The following RBFOX1 variants were observed in gnomAD, a reference collection of about 807,000 sequenced individuals.
RBFOX1 encodes the protein RNA binding protein fox-1 homolog 1.
In RBFOX1, 8 loss-of-function variants were observed where a neutral mutation model predicts 57.7. The ratio of observed to expected loss-of-function variants is 0.14; its 90% CI spans 0.08 to 0.25. The LOEUF is 0.25. RBFOX1 is among the 10% of genes least tolerant of loss of function. The pLI, the probability that RBFOX1 is intolerant of heterozygous loss-of-function variation, is 1.00. For missense variants in RBFOX1, 611 were observed against 548.5 expected (o/e 1.11, Z -1.14); for synonymous variants, 326 against 222.4 (o/e 1.47, Z -4.15).
intron 3 of RBFOX1, among the ~76,000 whole-genome samples, chr16:6,830,920 G>A (rs772526470): frequency 2.6e-5 from 4 of 152,172 alleles, no homozygotes; most frequent in Non-Finnish European, 5.9e-5. Context: ...GGTAGAATTG[G>A]TCATATAGCC....
intron 3 of RBFOX1, among the ~76,000 whole-genome samples, chr16:6,656,706 T>C (rs927762857): frequency 1.3e-5 from 2 of 152,022 alleles, no homozygotes; most frequent in African/African-American, 4.8e-5. Context: ...AGTTTTCCCA[T>C]TTTTTTCTAA....
At chr16:5,397,143 A>C (rs1359052061) in intron 1 of RBFOX1, among the ~76,000 whole-genome samples, 4 of 152,230 alleles carry the variant, frequency 2.6e-5, no homozygotes, top group Non-Finnish European at 5.9e-5. Flanking sequence ...AGCAAAGTGA[A>C]ACCACAGGTG....
intron 2 of RBFOX1, among the ~76,000 whole-genome samples, chr16:5,531,391 A>G (rs1245341079): frequency 6.6e-6 from 1 of 152,174 alleles, no homozygotes; most frequent in Non-Finnish European, 1.5e-5. Flanking sequence ...CCGATCTTTA[A>G]AGTTTGGTTG....
intron 2 of RBFOX1, among the ~76,000 whole-genome samples, chr16:6,641,599 A>T (rs2098488555): frequency 6.6e-6 from 1 of 151,830 alleles, no homozygotes; most frequent in South Asian, 2.1e-4. Context: ...GCTGGGTGTG[A>T]TGGTGGGTGC....
chr16:7,104,976 T>A (rs1391100463), intron 4 of RBFOX1, among the ~76,000 whole-genome samples: 1 of 152,126 alleles, frequency 6.6e-6, no homozygotes, highest in Non-Finnish European at 1.5e-5. Flanking sequence ...CTTGTGTGTG[T>A]GTCTTTATGT....
intron 4 of RBFOX1, among the ~76,000 whole-genome samples, chr16:7,159,402 C>A (rs2152365849): frequency 6.6e-6 from 1 of 152,230 alleles, no homozygotes; most frequent in South Asian, 2.1e-4. Flanking sequence ...GAAAGAGAAT[C>A]AGAAACGGGA....
chr16:7,462,072 T>C (rs2059681046), intron 4 of RBFOX1, among the ~76,000 whole-genome samples: 1 of 152,210 alleles, frequency 6.6e-6, no homozygotes, highest in African/African-American at 2.4e-5. Context: ...GTGAAAATCT[T>C]CTCCTGGGGT....
chr16:7,202,630 C>T (rs1394721591), intron 4 of RBFOX1, among the ~76,000 whole-genome samples: 2 of 152,192 alleles, frequency 1.3e-5, no homozygotes, highest in African/African-American at 4.8e-5. Flanking sequence ...CTTGCATCAG[C>T]ACCTGAGCTC....
chr16:7,423,520 G>T (rs990404506), intron 4 of RBFOX1, among the ~76,000 whole-genome samples: 5 of 152,082 alleles, frequency 3.3e-5, no homozygotes, highest in African/African-American at 1.2e-4. Context: ...GAGGTACTTT[G>T]CATTAAAACT....
chr16:7,256,191 G>A (rs2094674413), intron 4 of RBFOX1, among the ~76,000 whole-genome samples: 1 of 152,194 alleles, frequency 6.6e-6, no homozygotes, highest in Non-Finnish European at 1.5e-5. Flanking sequence ...AGAAGCTGGA[G>A]ATGGTATGAG....
intron 3 of RBFOX1, among the ~76,000 whole-genome samples, chr16:6,662,912 G>C (rs988935226): frequency 2.0e-5 from 3 of 152,176 alleles, no homozygotes; most frequent in African/African-American, 7.2e-5. Flanking sequence ...ATTGAGAACA[G>C]AAACAATTTA....
At chr16:6,591,686 CT>C (rs1600827697) in intron 2 of RBFOX1, among the ~76,000 whole-genome samples, 1 of 152,134 alleles carries the variant, frequency 6.6e-6, no homozygotes, top group Admixed American at 6.5e-5. Flanking sequence ...GTATCTTCTG[CT>C]TTTTCTACAG....
At chr16:6,549,736 G>A (rs1599558063) in intron 2 of RBFOX1, among the ~76,000 whole-genome samples, 1 of 152,162 alleles carries the variant, frequency 6.6e-6, no homozygotes, top group East Asian at 2.0e-4. Flanking sequence ...ACAGAGTAAG[G>A]TAAGAATGAG....
At chr16:5,388,298 C>T (rs2066309611) in intron 1 of RBFOX1, among the ~76,000 whole-genome samples, 1 of 152,072 alleles carries the variant, frequency 6.6e-6, no homozygotes, top group African/African-American at 2.4e-5. Context: ...GGGTTGGGGG[C>T]TTCTTTGTAG....
At chr16:7,018,198 G>A (rs2094011508) in intron 3 of RBFOX1, among the ~76,000 whole-genome samples, 1 of 152,122 alleles carries the variant, frequency 6.6e-6, no homozygotes, top group Admixed American at 6.5e-5. Context: ...GATCCTGCAA[G>A]TTAGTAACTA....
chr16:7,079,687 A>T (rs115689221), intron 4 of RBFOX1, among the ~76,000 whole-genome samples: 1,527 of 152,234 alleles, frequency 0.01, 30 homozygotes, highest in African/African-American at 0.035. Flanking sequence ...ATTTTCCTGC[A>T]TGGCAAATGG....
chr16:6,473,965 C>T lies in RBFOX1; in HGVS notation c.-64+156908C>T, dbSNP rs138065942. On this transcript the variant is annotated intron_variant, in intron 2 of 15. Transcript: ENST00000550418. ...GTGGATTTTTGTTTGGCTTCCTGGA[C>T]CAGTTACTAGAGATAGTAATCTGAC... 5.2e-4 allele frequency among the ~76,000 whole-genome samples: 79 copies of T among 152,250 alleles called. No homozygotes were observed. The South Asian group carries it at 0.016, about 31-fold the overall frequency.
chr16:5,790,828 C>A (rs2054666718), intron 3 of RBFOX1, among the ~76,000 whole-genome samples: 1 of 151,766 alleles, frequency 6.6e-6, no homozygotes, highest in Admixed American at 6.6e-5. Flanking sequence ...TGGCCCTCTG[C>A]CCGTTTTGGG....
intron 1 of RBFOX1, among the ~76,000 whole-genome samples, chr16:6,109,485 A>T (rs2096419217): frequency 2.0e-5 from 3 of 152,154 alleles, no homozygotes; most frequent in Non-Finnish European, 2.9e-5. Flanking sequence ...ATGAGGCATA[A>T]TATAGTTAGT....
Sources: gnomAD v4.1 joint callset for allele counts (sites outside exome capture counted in the v4.1 genomes callset) on GRCh38, gnomAD v4.1.1 for gene constraint, MANE v1.5 for transcripts, NCBI Gene and HGNC (gene_info 2026-07-23, HGNC 2026-07-21) for gene names.